The following RBMS1 variants were observed in gnomAD, a reference collection of about 807,000 sequenced individuals.
RBMS1 encodes RNA binding motif single stranded interacting protein 1.
RBMS1 carries 17 observed loss-of-function variants against 62.3 expected under a neutral mutation model. The observed-to-expected ratio is 0.27, with a 90% CI of 0.19 to 0.41. The LOEUF is 0.41. Among genes scored for constraint, RBMS1 ranks in the 10% least tolerant of loss-of-function variants. The pLI is 1.00. For missense variants in RBMS1, 334 were observed against 504.5 expected (o/e 0.66, Z 3.24); for synonymous variants, 172 against 170.0 (o/e 1.01, Z -0.09).
At chr2:160,300,134 T>G (rs543446112) in intron 6 of RBMS1, among the ~76,000 whole-genome samples, 33 of 152,156 alleles carry the variant, frequency 2.2e-4, no homozygotes, top group African/African-American at 7.0e-4. Flanking sequence ...AAGAGAAGGA[T>G]CCCTTTGTAT....
At chr2:160,407,617 C>T in intron 1 of RBMS1, 2 of 982,030 alleles carry the variant, frequency 2.0e-6, no homozygotes, top group Non-Finnish European at 2.4e-6. Flanking sequence ...AGGAGGTGGC[C>T]GGCCGGGCCC....
chr2:160,433,436 C>CA (rs145328426), intron 1 of RBMS1, among the ~76,000 whole-genome samples: 2,277 of 152,208 alleles, frequency 0.015, 74 homozygotes, highest in African/African-American at 0.052. Context: ...AAACAAAACA[C>CA]AAAAAAACTT....
At chr2:160,460,884 C>T (rs1382551222) in intron 1 of RBMS1, among the ~76,000 whole-genome samples, 1 of 152,148 alleles carries the variant, frequency 6.6e-6, no homozygotes, top group Non-Finnish European at 1.5e-5. Context: ...CATACAGCAT[C>T]CTCTTGTCAT....
chr2:160,285,191 C>T (rs961584895), intron 7 of RBMS1, 147 bp from the exon 8 acceptor site: 67 of 727,322 alleles, frequency 9.2e-5, no homozygotes, highest in Middle Eastern at 3.8e-4. Flanking sequence ...CCCAGGAGTT[C>T]GAGGCTGTAG....
rs575600594 is a variant in RBMS1, at chr2:160,348,596, T to C, written c.251+18620A>G. Among the ~76,000 whole-genome samples, 73 of 152,236 alleles carry C rather than the reference T, an allele frequency of 4.8e-4. 1 individual carries two copies. The South Asian group carries it at 0.015, about 31-fold the overall frequency. On this transcript the variant is annotated intron_variant, in intron 2 of 13. Transcript: ENST00000348849. Reference sequence around the variant, plus strand: ...TCATTGATGGCTGAGCCTGAAGAGCTTGTCTAATGACTATCAACCTGCACT... The same window carrying C: ...TCATTGATGGCTGAGCCTGAAGAGCCTGTCTAATGACTATCAACCTGCACT...
chr2:160,399,724 T>C (rs975023667), intron 1 of RBMS1, among the ~76,000 whole-genome samples: 1 of 152,138 alleles, frequency 6.6e-6, no homozygotes, highest in South Asian at 2.1e-4. Flanking sequence ...CAGGGTTGGG[T>C]TGATCACAAA....
intron 2 of RBMS1, among the ~76,000 whole-genome samples, chr2:160,336,559 T>G (rs995599190): frequency 2.6e-5 from 4 of 152,120 alleles, no homozygotes; most frequent in African/African-American, 9.7e-5. Context: ...CAGCTGACAT[T>G]TGTAATTTAA....
At chr2:160,438,261 C>CTTTT (rs67789291) in intron 1 of RBMS1, among the ~76,000 whole-genome samples, 8 of 91,006 alleles carry the variant, frequency 8.8e-5, no homozygotes, top group Non-Finnish European at 1.7e-4. Context: ...TCAATACTTT[C>CTTTT]TTTTTTTTTT....
Position 160,342,698 on chromosome 2 carries a change from G to A in RBMS1, c.252-24471C>T, listed in dbSNP as rs551441731. ...AGGGAGGCCGAGGTGGGCGGATCACGTGAGGTCAGGAGTTTTGAGACCAGA... is the reference window on the plus strand; with the variant it reads ...AGGGAGGCCGAGGTGGGCGGATCACATGAGGTCAGGAGTTTTGAGACCAGA... On this transcript the variant is annotated intron_variant, in intron 2 of 13. Transcript: ENST00000348849. Among the ~76,000 whole-genome samples, 42 of 150,398 alleles carry A rather than the reference G, an allele frequency of 2.8e-4. 1 individual carries two copies. The highest frequency in any genetic ancestry group is 1.6e-3 in the Admixed American group (24 of 15,086).
In RBMS1 at chr2:160,401,392, T is replaced by C. The variant is rs1695418325; in HGVS notation, c.76-34001A>G. Among the ~76,000 whole-genome samples, 2 of 152,352 alleles carry C rather than the reference T, an allele frequency of 1.3e-5. 1 individual carries two copies. The highest frequency in any genetic ancestry group is 4.8e-5 in the African/African-American group (2 of 41,588). ...CAACAGTTATATTGATTTTTTATTT[T>C]AGTCCAGGATTTCATTTGCTCCATT... is the stretch of plus-strand genomic sequence containing the variant. On this transcript the variant is annotated intron_variant, in intron 1 of 13. Coordinates refer to ENST00000348849, the MANE Select transcript of RBMS1 (RefSeq NM_016836.4).
intron 2 of RBMS1, among the ~76,000 whole-genome samples, chr2:160,326,624 AT>A (rs1690945814): frequency 6.6e-6 from 1 of 152,202 alleles, no homozygotes; most frequent in Non-Finnish European, 1.5e-5. Flanking sequence ...AAGAGCAATT[AT>A]TTTAGTAAGA....
Position 160,284,839 on chromosome 2 carries a change from G to A in RBMS1, c.836C>T (p.Thr279Ile), listed in dbSNP as rs563245965. The A allele has an allele frequency of 6.2e-7, 1 of 1,608,974 alleles. No individual in the cohort carries two copies. The highest frequency in any genetic ancestry group is 8.5e-7 in the Non-Finnish European group (1 of 1,175,448). Reference sequence around the variant, plus strand: ...AGAAGTTTGAGTGATCATTCGGTTTGTAGCAATACTGTATGGTGAAGGATA... The same window carrying A: ...AGAAGTTTGAGTGATCATTCGGTTTATAGCAATACTGTATGGTGAAGGATA... The part of the protein sequence containing the change: ...GFYPSPYSIA[T>I]NRMITQTSIT... Residue 279 changes from threonine to isoleucine, a missense_variant, in exon 9 of 14, where the codon ACA becomes ATA. Transcript: ENST00000348849.
intron 4 of RBMS1, among the ~76,000 whole-genome samples, chr2:160,310,064 C>T (rs147775920): frequency 2.0e-5 from 3 of 152,130 alleles, no homozygotes; most frequent in East Asian, 1.9e-4. Flanking sequence ...AAATGTTAAC[C>T]GAGAGCCTAT....
At position 160,313,265 on chromosome 2, in the gene RBMS1, AC is replaced by A; in HGVS notation, c.311-19del. On this transcript the variant is annotated intron_variant, in intron 3 of 13. Coordinates refer to ENST00000348849, the MANE Select transcript of RBMS1 (RefSeq NM_016836.4). ...ACCATAACCTGAAATGCAAAAACAC[AC>A]TTAGTATTTAAGCCATTATTCTGTG... 1 of 1,609,692 alleles carries A rather than the reference AC, an allele frequency of 6.2e-7. No homozygotes were observed. The highest frequency in any genetic ancestry group is 1.1e-5 in the South Asian group (1 of 90,940).
intron 5 of RBMS1, among the ~76,000 whole-genome samples, chr2:160,301,161 A>T (rs539430969): frequency 6.6e-6 from 1 of 152,366 alleles, no homozygotes. Flanking sequence ...TCACAAAATG[A>T]CAGACTAAAA....
chr2:160,376,136 C>A (rs1274532471), intron 1 of RBMS1, among the ~76,000 whole-genome samples: 1 of 152,068 alleles, frequency 6.6e-6, no homozygotes, highest in Non-Finnish European at 1.5e-5. Context: ...GTGGAAAATA[C>A]CCATTCAAAA....
intron 4 of RBMS1, among the ~76,000 whole-genome samples, chr2:160,305,426 C>T (rs1487279724): frequency 6.6e-6 from 1 of 152,154 alleles, no homozygotes; most frequent in African/African-American, 2.4e-5. Flanking sequence ...GTATTCAGTA[C>T]AGTAAGATGT....
chr2:160,347,000 GAT>G (rs1391170462), intron 2 of RBMS1, among the ~76,000 whole-genome samples: 2 of 151,996 alleles, frequency 1.3e-5, no homozygotes. Flanking sequence ...AAGAAAAAAA[GAT>G]ATTTTCTTAT....
intron 1 of RBMS1, among the ~76,000 whole-genome samples, chr2:160,434,606 C>T (rs1683039499): frequency 6.6e-6 from 1 of 152,144 alleles, no homozygotes; most frequent in South Asian, 2.1e-4. Context: ...TGGCCTCTAG[C>T]CACATGCAGC....
Sources: allele counts gnomAD v4.1 joint callset (sites outside exome capture counted in the v4.1 genomes callset), GRCh38; gene constraint gnomAD v4.1.1; transcripts MANE v1.5; gene names NCBI Gene and HGNC (gene_info 2026-07-23, HGNC 2026-07-21).